The following SEMA6D variants were observed in gnomAD, a reference collection of about 807,000 sequenced individuals.
The protein encoded by SEMA6D is semaphorin 6D.
Under a neutral mutation model 106.6 loss-of-function variants are expected in SEMA6D, and 35 were observed. The ratio of observed to expected loss-of-function variants is 0.33; its 90% CI spans 0.25 to 0.44. The LOEUF is 0.44. Ranked by LOEUF, SEMA6D falls within the 20% of genes least tolerant of loss-of-function variation. The pLI is 1.00. For missense variants in SEMA6D, 1,185 were observed against 1,345.9 expected (o/e 0.88, Z 1.87); for synonymous variants, 499 against 487.7 (o/e 1.02, Z -0.31).
intron 3 of SEMA6D, among the ~76,000 whole-genome samples, chr15:47,543,110 A>G (rs1366061050): frequency 6.6e-6 from 1 of 152,166 alleles, no homozygotes; most frequent in Non-Finnish European, 1.5e-5. Context: ...ATATCACTAT[A>G]TCAGCAATGC....
chr15:47,642,801 G>A (rs921245278), intron 4 of SEMA6D, among the ~76,000 whole-genome samples: 3 of 152,104 alleles, frequency 2.0e-5, no homozygotes, highest in Non-Finnish European at 4.4e-5. Context: ...ATGATGTATG[G>A]TTTTATCCTG....
intron 4 of SEMA6D, among the ~76,000 whole-genome samples, chr15:47,698,873 T>A (rs1269512593): frequency 6.6e-6 from 1 of 152,108 alleles, no homozygotes; most frequent in Non-Finnish European, 1.5e-5. Context: ...ACAAACTAGA[T>A]CCCTAGACAG....
intron 1 of SEMA6D, among the ~76,000 whole-genome samples, chr15:47,247,659 G>A (rs761625227): frequency 3.3e-5 from 5 of 151,954 alleles, no homozygotes; most frequent in Non-Finnish European, 5.9e-5. Flanking sequence ...ATGAATACTG[G>A]CTTTTTTTCT....
intron 1 of SEMA6D, among the ~76,000 whole-genome samples, chr15:47,215,800 A>T (rs891059790): frequency 6.6e-6 from 1 of 152,186 alleles, no homozygotes; most frequent in Non-Finnish European, 1.5e-5. Flanking sequence ...CATGGGGACT[A>T]AGTACTCACG....
intron 3 of SEMA6D, among the ~76,000 whole-genome samples, chr15:47,571,823 T>TGTGTGTCTG (rs1473114526): frequency 6.6e-6 from 1 of 152,210 alleles, no homozygotes; most frequent in East Asian, 1.9e-4. Flanking sequence ...GCTATACATG[T>TGTGTGTCTG]GTGTGTCTGT....
chr15:47,753,778 A>G (rs188816446), intron 1 of SEMA6D, among the ~76,000 whole-genome samples: 96 of 152,322 alleles, frequency 6.3e-4, no homozygotes, highest in Middle Eastern at 6.8e-3. Context: ...TTGTAAGATC[A>G]TGGAGGCCAA....
chr15:47,763,832 C>T lies in SEMA6D; in HGVS notation c.748-18C>T. 1 of 1,608,554 alleles carries T rather than the reference C, an allele frequency of 6.2e-7. No homozygotes were observed. The highest frequency in any genetic ancestry group is 8.5e-7 in the Non-Finnish European group (1 of 1,176,394). Reference sequence around the variant, plus strand: ...CCATGCTCATAACCCCATTGCTTTGCTTCTATCCGTTGGGCAGGCTGTGTA... The same window carrying T: ...CCATGCTCATAACCCCATTGCTTTGTTTCTATCCGTTGGGCAGGCTGTGTA... On this transcript the variant is annotated intron_variant, in intron 9 of 18. Coordinates refer to ENST00000536845, the MANE Select transcript of SEMA6D (RefSeq NM_001358351.3).
intron 1 of SEMA6D, among the ~76,000 whole-genome samples, chr15:47,271,387 G>C (rs778204809): frequency 6.6e-6 from 1 of 152,178 alleles, no homozygotes; most frequent in Non-Finnish European, 1.5e-5. Flanking sequence ...GGGAAGGGTG[G>C]TCACTGGCAG....
intron 1 of SEMA6D, among the ~76,000 whole-genome samples, chr15:47,226,567 A>G (rs945583791): frequency 3.3e-5 from 5 of 152,036 alleles, no homozygotes; most frequent in Non-Finnish European, 5.9e-5. Context: ...TCTATCAACT[A>G]TCTTTCTGCT....
intron 1 of SEMA6D, among the ~76,000 whole-genome samples, chr15:47,190,537 A>G (rs893391768): frequency 6.6e-6 from 1 of 152,178 alleles, no homozygotes; most frequent in Non-Finnish European, 1.5e-5. Context: ...ATTAGCTCCA[A>G]GTTTGGCCTT....
At chr15:47,750,393 C>A (rs1596985432) in intron 1 of SEMA6D, among the ~76,000 whole-genome samples, 1 of 152,160 alleles carries the variant, frequency 6.6e-6, no homozygotes, top group Admixed American at 6.5e-5. Context: ...TGCATAAAAT[C>A]AGTCCAGATT....
intron 1 of SEMA6D, among the ~76,000 whole-genome samples, chr15:47,283,557 C>G (rs539133887): frequency 4.4e-4 from 67 of 152,242 alleles, no homozygotes; most frequent in Admixed American, 2.0e-3. Flanking sequence ...TCACATTCTA[C>G]CCGAAGTGGC....
chr15:47,312,741 C>T (rs1186884064), intron 1 of SEMA6D, among the ~76,000 whole-genome samples: 2 of 151,954 alleles, frequency 1.3e-5, no homozygotes, highest in Non-Finnish European at 2.9e-5. Context: ...TTATATAACC[C>T]AGTATATCTA....
At chr15:47,462,076 T>C (rs1485496843) in intron 2 of SEMA6D, among the ~76,000 whole-genome samples, 3 of 152,072 alleles carry the variant, frequency 2.0e-5, no homozygotes, top group Non-Finnish European at 4.4e-5. Flanking sequence ...TTTCAAATCT[T>C]GGTACTACCA....
At chr15:47,233,332 C>G (rs1399537795) in intron 1 of SEMA6D, among the ~76,000 whole-genome samples, 1 of 151,968 alleles carries the variant, frequency 6.6e-6, no homozygotes, top group Admixed American at 6.6e-5. Context: ...ATTTTGATCA[C>G]TGTACTTTCG....
chr15:47,580,041 A>G (rs906349491), intron 3 of SEMA6D, among the ~76,000 whole-genome samples: 6 of 152,202 alleles, frequency 3.9e-5, no homozygotes. Flanking sequence ...TGAAATTTAA[A>G]CAATTTTCAA....
chr15:47,442,516 T>C (rs2041911965), intron 2 of SEMA6D, among the ~76,000 whole-genome samples: 1 of 152,138 alleles, frequency 6.6e-6, no homozygotes. Context: ...TTTGATTCCA[T>C]GGGTCTCTCT....
intron 1 of SEMA6D, among the ~76,000 whole-genome samples, chr15:47,216,412 C>T (rs1412043971): frequency 6.6e-6 from 1 of 152,090 alleles, no homozygotes; most frequent in South Asian, 2.1e-4. Flanking sequence ...TATCCCTTCA[C>T]AAAAGAAAAT....
intron 1 of SEMA6D, among the ~76,000 whole-genome samples, chr15:47,355,412 T>C (rs982806524): frequency 2.0e-5 from 3 of 152,338 alleles, no homozygotes; most frequent in African/African-American, 7.2e-5. Flanking sequence ...ATAATGATGG[T>C]GCCTAAGAAA....
Sources: allele counts gnomAD v4.1 joint callset (sites outside exome capture counted in the v4.1 genomes callset), GRCh38; gene constraint gnomAD v4.1.1; transcripts MANE v1.5; gene names NCBI Gene and HGNC (gene_info 2026-07-23, HGNC 2026-07-21).